Variants in RGS8 observed in about 807,000 individuals in gnomAD.
RGS8 encodes regulator of G protein signaling 8.
RGS8 carries 8 observed loss-of-function variants against 21.7 expected under a neutral mutation model. The ratio of observed to expected loss-of-function variants is 0.37; its 90% CI spans 0.22 to 0.66. The LOEUF is 0.66. Ranked by LOEUF, RGS8 falls within the 30% of genes least tolerant of loss-of-function variation. The pLI is 0.59. For missense variants in RGS8, 157 were observed against 217.9 expected (o/e 0.72, Z 1.76); for synonymous variants, 80 against 83.6 (o/e 0.96, Z 0.24).
the RGS8 span, among the ~76,000 whole-genome samples, chr1:182,720,979 A>T: frequency 9.9e-6 from 1 of 101,160 alleles, no homozygotes; most frequent in Admixed American, 9.5e-5. Flanking sequence ...ATATATACAT[A>T]TATACACATA....
chr1:182,662,953 GGA>G (rs201431028), intron 5 of RGS8, among the ~76,000 whole-genome samples: 1 of 129,382 alleles, frequency 7.7e-6, no homozygotes, highest in South Asian at 2.2e-4. Context: ...TTGAGAATGG[GGA>G]GGGGGGGAAA....
the RGS8 span, among the ~76,000 whole-genome samples, chr1:182,691,034 G>A: frequency 6.6e-6 from 1 of 152,222 alleles, no homozygotes; most frequent in Non-Finnish European, 1.5e-5. Flanking sequence ...CTCACAGCCA[G>A]TCTGCTGCCA....
the RGS8 span, among the ~76,000 whole-genome samples, chr1:182,740,086 T>C: frequency 1.3e-5 from 2 of 152,166 alleles, no homozygotes; most frequent in African/African-American, 4.8e-5. Context: ...GACCCAATAA[T>C]CATCCCCCTT....
the RGS8 span, among the ~76,000 whole-genome samples, chr1:182,748,968 TG>T: frequency 6.6e-6 from 1 of 152,214 alleles, no homozygotes; most frequent in African/African-American, 2.4e-5. Flanking sequence ...CTTTTGCTGT[TG>T]TTTGCACTCC....
the RGS8 span, among the ~76,000 whole-genome samples, chr1:182,721,829 G>T: frequency 6.6e-6 from 1 of 152,200 alleles, no homozygotes; most frequent in Non-Finnish European, 1.5e-5. Flanking sequence ...GAAGTTTGAA[G>T]CCTACAGAGT....
the RGS8 span, among the ~76,000 whole-genome samples, chr1:182,701,404 C>T: frequency 5.3e-5 from 8 of 152,212 alleles, no homozygotes; most frequent in Non-Finnish European, 1.2e-4. Context: ...AGGCACAGGT[C>T]ACTGAGAGAT....
At chr1:182,742,503 G>A in the RGS8 span, among the ~76,000 whole-genome samples, 4 of 152,218 alleles carry the variant, frequency 2.6e-5, no homozygotes, top group South Asian at 2.1e-4. Flanking sequence ...TCGGGAGGCC[G>A]AGGCTGGCGG....
the RGS8 span, among the ~76,000 whole-genome samples, chr1:182,740,908 ATTC>A: frequency 4.6e-5 from 7 of 152,184 alleles, no homozygotes; most frequent in African/African-American, 1.2e-4. Flanking sequence ...AGGCAGAAGA[ATTC>A]TTCTTAGTAC....
chr1:182,662,618 C>G (rs183179957), intron 5 of RGS8, among the ~76,000 whole-genome samples: 3 of 152,318 alleles, frequency 2.0e-5, no homozygotes, highest in Non-Finnish European at 4.4e-5. Flanking sequence ...GCAGCCTCTG[C>G]CCCCAGATCA....
At chr1:182,741,662 G>T in the RGS8 span, among the ~76,000 whole-genome samples, 1 of 117,470 alleles carries the variant, frequency 8.5e-6, no homozygotes, top group Non-Finnish European at 1.9e-5. Flanking sequence ...GGGGCGGCTG[G>T]CCGGGCAGAG....
At chr1:182,643,333 C>CCCCCCACCG (rs1320966882), downstream of RGS8, 2 of 126,356 alleles carry the variant, frequency 1.6e-5, no homozygotes, top group Non-Finnish European at 3.3e-5. Flanking sequence ...GCCCCCCCGC[C>CCCCCCACCG]CCCGCGCTGT....
chr1:182,722,706 G>T, the RGS8 span, among the ~76,000 whole-genome samples: 7 of 152,112 alleles, frequency 4.6e-5, no homozygotes, highest in Non-Finnish European at 8.8e-5. Context: ...GCCGGGCGTG[G>T]TGGCTCACAC....
intron 1 of RGS8, among the ~76,000 whole-genome samples, chr1:182,679,077 T>A (rs1346901085): frequency 6.6e-6 from 1 of 152,206 alleles, no homozygotes; most frequent in Non-Finnish European, 1.5e-5. Flanking sequence ...GACCCTCCTT[T>A]ATGAACTCTA....
the RGS8 span, among the ~76,000 whole-genome samples, chr1:182,707,800 G>T: frequency 6.6e-6 from 1 of 151,924 alleles, no homozygotes; most frequent in Non-Finnish European, 1.5e-5. Context: ...TCTGCCTCCC[G>T]GGTTCACACC....
intron 5 of RGS8, among the ~76,000 whole-genome samples, chr1:182,663,099 T>C (rs586384): frequency 0.084 from 12,817 of 152,198 alleles, 1,364 homozygotes; most frequent in African/African-American, 0.25. Context: ...CTTCACTCTT[T>C]GCTTCTTAGG....
chr1:182,704,568 G>T, the RGS8 span, among the ~76,000 whole-genome samples: 1 of 152,186 alleles, frequency 6.6e-6, no homozygotes, highest in African/African-American at 2.4e-5. Context: ...CAAAGGTGTG[G>T]CTCCACAGTA....
the RGS8 span, among the ~76,000 whole-genome samples, chr1:182,739,841 A>G: frequency 1.3e-5 from 2 of 152,306 alleles, no homozygotes; most frequent in African/African-American, 2.4e-5. Context: ...CAGAGACCAG[A>G]GAGCTCTGAG....
chr1:182,724,201 GAT>G, the RGS8 span, among the ~76,000 whole-genome samples: 4,144 of 40,020 alleles, frequency 0.1, 131 homozygotes, highest in Non-Finnish European at 0.13. Flanking sequence ...GGCTAGACTG[GAT>G]ATATATATAT....
At chr1:182,742,103 G>A in the RGS8 span, among the ~76,000 whole-genome samples, 1 of 149,056 alleles carries the variant, frequency 6.7e-6, no homozygotes, top group Non-Finnish European at 1.5e-5. Context: ...CCCAGACAGG[G>A]CGGCGGGGCA....
Sources: gnomAD v4.1 joint callset for allele counts (sites outside exome capture counted in the v4.1 genomes callset) on GRCh38, gnomAD v4.1.1 for gene constraint, MANE v1.5 for transcripts, NCBI Gene and HGNC (gene_info 2026-07-23, HGNC 2026-07-21) for gene names.